Variants in SCIN observed in about 807,000 individuals in gnomAD.
SCIN encodes the protein adseverin.
In SCIN, 91 loss-of-function variants were observed where a neutral mutation model predicts 91.8. The ratio of observed to expected loss-of-function variants is 0.99; its 90% confidence interval spans 0.84 to 1.18. The LOEUF is 1.18. Among genes scored for constraint, SCIN ranks in the 50% most tolerant of loss-of-function variants. The pLI is 0.00. For missense variants in SCIN, 1,087 were observed against 863.9 expected, an observed-to-expected ratio of 1.26 and a Z score of -3.24; for synonymous variants, 367 against 312.6, an observed-to-expected ratio of 1.17 and a Z score of -1.84.
chr7:12,610,435 A>G (rs1383333695), intron 4 of SCIN, among the ~76,000 whole-genome samples: 1 of 152,236 alleles, frequency 6.6e-6, no homozygotes, highest in African/African-American at 2.4e-5. Context: ...TAAAATTTAT[A>G]TGTTATCAAT....
chr7:12,590,091 G>A (rs1342468953), intron 3 of SCIN, among the ~76,000 whole-genome samples: 1 of 152,178 alleles, frequency 6.6e-6, no homozygotes, highest in Admixed American at 6.5e-5. Context: ...GAGTGATTTG[G>A]GAGATGAAGC....
At chr7:12,601,848 C>T (rs922944638) in intron 3 of SCIN, among the ~76,000 whole-genome samples, 2 of 152,180 alleles carry the variant, frequency 1.3e-5, no homozygotes, top group African/African-American at 2.4e-5. Context: ...GATATACCTT[C>T]ACTAATTTTC....
intron 4 of SCIN, among the ~76,000 whole-genome samples, chr7:12,613,653 A>G (rs1331968670): frequency 1.3e-5 from 2 of 152,162 alleles, no homozygotes; most frequent in Non-Finnish European, 2.9e-5. Context: ...GCACTTGTAT[A>G]AACTAGTGTT....
intron 11 of SCIN, among the ~76,000 whole-genome samples, chr7:12,641,788 C>T (rs933121545): frequency 2.0e-5 from 3 of 152,076 alleles, no homozygotes; most frequent in African/African-American, 7.2e-5. Flanking sequence ...CTGCCTCCTT[C>T]ACACCCCATG....
intron 4 of SCIN, among the ~76,000 whole-genome samples, chr7:12,616,472 G>T (rs1437061816): frequency 6.6e-6 from 1 of 152,068 alleles, no homozygotes; most frequent in South Asian, 2.1e-4. Flanking sequence ...CTGCTACCTT[G>T]ATATTGGACT....
intron 4 of SCIN, among the ~76,000 whole-genome samples, chr7:12,616,844 A>C (rs1418779490): frequency 1.3e-5 from 2 of 152,118 alleles, no homozygotes; most frequent in South Asian, 4.1e-4. Context: ...AAAGGAAGAG[A>C]TTACTATATC....
In SCIN at chr7:12,593,009, C is replaced by G. The variant is rs560061577; in HGVS notation, c.517-11505C>G. Among the ~76,000 whole-genome samples, 12 of 152,340 alleles carry G rather than the reference C, an allele frequency of 7.9e-5. No homozygotes were observed. In the East Asian group the frequency reaches 2.3e-3, roughly 29 times the overall value. On this transcript the variant is annotated intron_variant, in intron 3 of 15. Coordinates refer to ENST00000297029, the MANE Select transcript of SCIN (RefSeq NM_001112706.3). The stretch of plus-strand genomic sequence containing the variant: ...AGCTATGGGAGTGCAAGTGATTCTT[C>G]ACTTTTTGTCTTGTTGAAGGGATGG...
chr7:12,595,345 C>T lies in SCIN; in HGVS notation c.517-9169C>T, dbSNP rs1049462864. Among the ~76,000 whole-genome samples the T allele has an allele frequency of 5.9e-5, 9 of 152,212 alleles. No homozygotes were observed. In the South Asian group the frequency reaches 6.2e-4, roughly 11 times the overall value. ...AGAGGGCGTAACTTAGGTTTATCCA[C>T]GTTTCTCGTGACCTCCCCCATGCTG... On this transcript the variant is annotated intron_variant, in intron 3 of 15. Transcript: ENST00000297029.
At chr7:12,602,016 G>A (rs1006156398) in intron 3 of SCIN, among the ~76,000 whole-genome samples, 10 of 152,126 alleles carry the variant, frequency 6.6e-5, no homozygotes, top group African/African-American at 2.4e-4. Flanking sequence ...TTAATCTCAG[G>A]GTCCTGGGTT....
At position 12,657,877 on chromosome 7, in the gene SCIN, T is replaced by C. The variant is rs1784198828; in HGVS notation, c.*5162T>C. 1 of 152,074 alleles carries C rather than the reference T, an allele frequency of 6.6e-6. No homozygotes were observed. The highest frequency in any genetic ancestry group is 1.5e-5 in the Non-Finnish European group (1 of 67,992). 9.4% of individuals were successfully genotyped at this position (152,074 alleles called of 1,614,324 possible). On this transcript the variant is annotated 3_prime_UTR_variant, in exon 16 of 16. Coordinates refer to ENST00000297029, the MANE Select transcript of SCIN (RefSeq NM_001112706.3). ...TTTCTAATATACTTTTCTTCTATTATAGGAATAAGAATTCAGTAGTCATAT... is the reference window on the plus strand; with the variant it reads ...TTTCTAATATACTTTTCTTCTATTACAGGAATAAGAATTCAGTAGTCATAT...
intron 7 of SCIN, chr7:12,626,100 G>T: frequency 2.3e-6 from 1 of 434,350 alleles, no homozygotes; most frequent in Non-Finnish European, 4.1e-6. Context: ...ATTCAAGATA[G>T]TAAACCACAG....
At chr7:12,644,462 C>T in intron 12 of SCIN, 122 bp from the exon 13 acceptor site, 1 of 1,469,912 alleles carries the variant, frequency 6.8e-7, no homozygotes, top group Non-Finnish European at 9.1e-7. Flanking sequence ...GGTGATGGTA[C>T]CTGATTTCTT....
chr7:12,642,973 TTTAA>T (rs1340060364), intron 11 of SCIN, among the ~76,000 whole-genome samples: 1 of 152,218 alleles, frequency 6.6e-6, no homozygotes, highest in Non-Finnish European at 1.5e-5. Context: ...TTCTTCTGTG[TTTAA>T]TTATGACTAT....
At chr7:12,616,029 A>C (rs1248815419) in intron 4 of SCIN, among the ~76,000 whole-genome samples, 1 of 152,122 alleles carries the variant, frequency 6.6e-6, no homozygotes, top group Non-Finnish European at 1.5e-5. Context: ...CAGTGAAAAA[A>C]TACTCCTGGA....
intron 4 of SCIN, among the ~76,000 whole-genome samples, chr7:12,607,030 C>A (rs560760853): frequency 1.3e-5 from 2 of 152,034 alleles, no homozygotes; most frequent in African/African-American, 2.4e-5. Flanking sequence ...GACTGTAATC[C>A]CTTGTCTCAA....
rs1275695562 is a variant in SCIN at position 12,629,081 on chromosome 7, A to G, written c.1198-20A>G. The G allele has an allele frequency of 7.5e-6, 12 of 1,599,086 alleles. No individual in the cohort carries two copies. Among genetic ancestry groups the G allele is most frequent in the Admixed American group, 6.9e-5 (4 of 57,636 alleles). On this transcript the variant is annotated intron_variant, in intron 8 of 15. Coordinates refer to ENST00000297029, the MANE Select transcript of SCIN (RefSeq NM_001112706.3). Reference sequence around the variant, plus strand: ...GATCAAGAAAATTGTAATTTGTTGTATATATTCCATTCCTTCCAGATTTGG... The same window carrying G: ...GATCAAGAAAATTGTAATTTGTTGTGTATATTCCATTCCTTCCAGATTTGG...
chr7:12,571,901 G>A (rs1036746427), intron 1 of SCIN, among the ~76,000 whole-genome samples: 1 of 152,124 alleles, frequency 6.6e-6, no homozygotes, highest in Non-Finnish European at 1.5e-5. Flanking sequence ...TCTTGTGCCA[G>A]TGGGCACACC....
At chr7:12,609,571 C>T (rs1048116815) in intron 4 of SCIN, among the ~76,000 whole-genome samples, 1 of 151,250 alleles carries the variant, frequency 6.6e-6, no homozygotes, top group Admixed American at 6.6e-5. Context: ...TTTAGACTTT[C>T]ATTAAGAAAA....
At chr7:12,607,977 T>G (rs1208845981) in intron 4 of SCIN, among the ~76,000 whole-genome samples, 1 of 152,140 alleles carries the variant, frequency 6.6e-6, no homozygotes, top group Non-Finnish European at 1.5e-5. Flanking sequence ...GTGAAAGTAA[T>G]AAGCAAACGT....
Sources: allele counts gnomAD v4.1 joint callset (sites outside exome capture counted in the v4.1 genomes callset), GRCh38; gene constraint gnomAD v4.1.1; transcripts MANE v1.5; gene names NCBI Gene and HGNC (gene_info 2026-07-23, HGNC 2026-07-21).